The following ACOT11 variants were observed in gnomAD, a reference collection of about 807,000 sequenced individuals.
ACOT11 encodes acyl-coenzyme A thioesterase 11.
Under a neutral mutation model 77.5 loss-of-function variants are expected in ACOT11, and 69 were observed. The observed-to-expected ratio is 0.89, with a 90% CI of 0.73 to 1.09. The LOEUF is 1.09. ACOT11 is among the 50% of genes least tolerant of loss of function. The pLI, the probability that ACOT11 is intolerant of heterozygous loss-of-function variation, is 0.00. For missense variants in ACOT11, 766 were observed against 813.7 expected, an observed-to-expected ratio of 0.94 and a Z score of 0.71; for synonymous variants, 279 against 313.0, an observed-to-expected ratio of 0.89 and a Z score of 1.15.
chr1:54,558,947 T>C (rs74478684), intron 1 of ACOT11, among the ~76,000 whole-genome samples: 1,955 of 152,270 alleles, frequency 0.013, 15 homozygotes, highest in Non-Finnish European at 0.021. Context: ...AAACACATCA[T>C]CATGGTTCCC....
At chr1:54,554,331 G>GTATATA (rs1474648915) in intron 1 of ACOT11, among the ~76,000 whole-genome samples, 10 of 63,288 alleles carry the variant, frequency 1.6e-4, no homozygotes, top group East Asian at 1.1e-3. Flanking sequence ...GTGTGTGTGT[G>GTATATA]TGTATATATA....
At chr1:54,610,773 G>A, downstream of ACOT11, 2 of 984,218 alleles carry the variant, frequency 2.0e-6, no homozygotes, top group Non-Finnish European at 2.4e-6. Context: ...GGAACCTGAT[G>A]GGACCAGGTC....
exon 17 of ACOT11, chr1:54,638,270 A>G (rs571861180): frequency 6.6e-6 from 1 of 152,380 alleles, no homozygotes; most frequent in South Asian, 2.1e-4. Context: ...GTACTAAAAT[A>G]AAATACCACG....
In ACOT11 at chr1:54,575,071, G is replaced by A. The variant is rs1654058791; in HGVS notation, c.34-9584G>A. Reference sequence around the variant, plus strand: ...TTTGACTGAAGACCTTAGACAGAGAGCCCCCTGGGGCTCAGTTTCTCCACC... The same window carrying A: ...TTTGACTGAAGACCTTAGACAGAGAACCCCCTGGGGCTCAGTTTCTCCACC... On this transcript the variant is annotated intron_variant, in intron 1 of 15. Transcript: ENST00000343744. 2.0e-5 allele frequency among the ~76,000 whole-genome samples: 3 copies of A among 152,148 alleles called. No individual in the cohort carries two copies. In the South Asian group the frequency reaches 6.2e-4, roughly 32 times the overall value.
intron 1 of ACOT11, among the ~76,000 whole-genome samples, chr1:54,561,957 A>T (rs866819652): frequency 9.8e-5 from 6 of 61,514 alleles, no homozygotes; most frequent in Non-Finnish European, 1.7e-4. Context: ...CTGGCCGGGC[A>T]GAGGGGCTCC....
intron 1 of ACOT11, among the ~76,000 whole-genome samples, chr1:54,570,790 C>T (rs1453424885): frequency 6.6e-6 from 1 of 152,108 alleles, no homozygotes; most frequent in Non-Finnish European, 1.5e-5. Context: ...AAGCGACTCT[C>T]CTGCCTCAGC....
At chr1:54,570,784 G>T (rs189686146) in intron 1 of ACOT11, among the ~76,000 whole-genome samples, 1 of 151,792 alleles carries the variant, frequency 6.6e-6, no homozygotes, top group East Asian at 1.9e-4. Context: ...AGGTTCAAGC[G>T]ACTCTCCTGC....
intron 3 of ACOT11, among the ~76,000 whole-genome samples, chr1:54,586,871 A>G (rs543336776): frequency 6.6e-6 from 1 of 152,290 alleles, no homozygotes; most frequent in African/African-American, 2.4e-5. Context: ...CCCTCAGCCC[A>G]GGACAGGCTG....
At chr1:54,637,194 G>A (rs1644335944) in exon 17 of ACOT11, 1 of 152,212 alleles carries the variant, frequency 6.6e-6, no homozygotes, top group South Asian at 2.1e-4. Flanking sequence ...ATTTTTGTGT[G>A]TGTGTCTTTA....
intron 1 of ACOT11, among the ~76,000 whole-genome samples, chr1:54,554,250 C>G (rs547936683): frequency 4.3e-4 from 57 of 132,098 alleles, no homozygotes; most frequent in Non-Finnish European, 8.1e-4. Context: ...TTGCAAATGG[C>G]AGGATTTTAT....
In ACOT11 at chr1:54,607,105, G is replaced by A. The variant is rs1644035039; in HGVS notation, c.1371-29G>A. ...CTTGCATGGGAGCTGGAAGCTTCCT[G>A]GGGCACTGAGATCCCGGCCTCCCCA... On this transcript the variant is annotated intron_variant, in intron 13 of 15. Coordinates refer to ENST00000343744, the MANE Select transcript of ACOT11 (RefSeq NM_147161.4). This position sits in a 1 kb window ranked among gnomAD's most constrained non-coding sequence, Gnocchi z 4.5. 4 of 1,613,200 alleles carry A rather than the reference G, an allele frequency of 2.5e-6. No individual in the cohort carries two copies. The highest frequency in any genetic ancestry group is 8.5e-7 in the Non-Finnish European group (1 of 1,179,536).
chr1:54,638,057 A>G (rs1644341027), exon 17 of ACOT11: 1 of 152,162 alleles, frequency 6.6e-6, no homozygotes, highest in East Asian at 1.9e-4. Context: ...CCTGGCTTCA[A>G]GCTATCCTCC....
At chr1:54,561,606 T>G (rs1653489791) in intron 1 of ACOT11, among the ~76,000 whole-genome samples, 6 of 134,508 alleles carry the variant, frequency 4.5e-5, no homozygotes, top group East Asian at 2.2e-4. Flanking sequence ...CCGTTCTCAA[T>G]GAGCTGTTGG....
At chr1:54,613,122 GTAATCCC>G (rs1557670394), downstream of ACOT11, among the ~76,000 whole-genome samples, 6 of 152,080 alleles carry the variant, frequency 3.9e-5, no homozygotes, top group African/African-American at 1.4e-4. Context: ...GCTCACACCT[GTAATCCC>G]AGCACTTTGG....
At chr1:54,590,691 A>G (rs1654680586) in intron 3 of ACOT11, among the ~76,000 whole-genome samples, 1 of 152,208 alleles carries the variant, frequency 6.6e-6, no homozygotes, top group South Asian at 2.1e-4. Flanking sequence ...CACCACTGAG[A>G]CCCAATAATT....
intron 6 of ACOT11, 141 bp downstream of exon 6, chr1:54,594,832 T>C: frequency 8.3e-7 from 1 of 1,211,376 alleles, no homozygotes; most frequent in Non-Finnish European, 1.1e-6. Context: ...CTCCTAGCCC[T>C]CTTGGCTCCG....
intron 1 of ACOT11, among the ~76,000 whole-genome samples, chr1:54,577,129 A>C: frequency 6.6e-6 from 1 of 152,246 alleles, no homozygotes. Flanking sequence ...TAATTAAAAA[A>C]AATTAATTAT....
chr1:54,619,976 G>A (rs745440340), intron 15 of ACOT11: 68 of 1,613,950 alleles, frequency 4.2e-5, no homozygotes, highest in Non-Finnish European at 5.6e-5. Context: ...CCAGCATGTC[G>A]GCATCAGGGC....
chr1:54,593,994 G>A lies in ACOT11; in HGVS notation c.426G>A (p.Val142=), dbSNP rs1248806905. Reference sequence around the variant, plus strand: ...TGTGCTCTGAGAAGCAGTGGAATGTGTGCAAGGCCTTGGCCACCTTCGTGG... The same window carrying A: ...TGTGCTCTGAGAAGCAGTGGAATGTATGCAAGGCCTTGGCCACCTTCGTGG... ...EDLCSEKQWN[V]CKALATFVAR... is the part of the protein sequence containing the mutation. The change falls in exon 5 of 16, where the codon GTG becomes GTA. Residue 142 remains valine, a synonymous_variant. Coordinates refer to ENST00000343744, the MANE Select transcript of ACOT11 (RefSeq NM_147161.4). The A allele has an allele frequency of 6.2e-7, 1 of 1,614,218 alleles. No homozygotes were observed. The highest frequency in any genetic ancestry group is 1.7e-5 in the Admixed American group (1 of 60,028).
Sources: allele counts gnomAD v4.1 joint callset (sites outside exome capture counted in the v4.1 genomes callset), GRCh38; gene constraint gnomAD v4.1.1; non-coding constraint Gnocchi (gnomAD v3.1); transcripts MANE v1.5; gene names NCBI Gene and HGNC (gene_info 2026-07-23, HGNC 2026-07-21).